The following SNTG2 variants were observed in gnomAD, a reference collection of about 807,000 sequenced individuals.
SNTG2 encodes the protein gamma-2-syntrophin.
SNTG2 carries 74 observed loss-of-function variants against 70.9 expected under a neutral mutation model. The ratio of observed to expected loss-of-function variants is 1.04; its 90% CI spans 0.86 to 1.27. The LOEUF (loss-of-function observed/expected upper bound fraction) is 1.27, where lower values mean the gene tolerates loss of function less well. SNTG2 is among the 50% of genes most tolerant of loss of function. The pLI is 0.00. For synonymous variants in SNTG2, 278 were observed against 273.8 expected (o/e 1.02, Z -0.15); for missense variants, 717 against 690.7 (o/e 1.04, Z -0.43).
intron 1 of SNTG2, among the ~76,000 whole-genome samples, chr2:1,050,208 T>C (rs562098487): frequency 4.3e-4 from 66 of 152,328 alleles, no homozygotes; most frequent in African/African-American, 1.6e-3. Flanking sequence ...AATGTAGACT[T>C]AGTTTATCAA....
intron 13 of SNTG2, among the ~76,000 whole-genome samples, chr2:1,265,166 C>A (rs567650430): frequency 1.2e-3 from 186 of 152,282 alleles, no homozygotes; most frequent in African/African-American, 4.4e-3. Context: ...TAAAGAGATA[C>A]TTTCTGCACC....
intron 16 of SNTG2, among the ~76,000 whole-genome samples, chr2:1,337,112 C>T (rs1397882682): frequency 6.6e-6 from 1 of 152,174 alleles, no homozygotes; most frequent in Non-Finnish European, 1.5e-5. Context: ...ACTTAGGCTG[C>T]TTCCATTCTT....
At position 1,316,371 on chromosome 2, in the gene SNTG2, C is replaced by T. The variant is rs4927635; in HGVS notation, c.1484C>T (p.Thr495Met). The change falls in exon 16 of 17, where the codon ACG becomes ATG. Residue 495 changes from threonine to methionine, a missense_variant. Transcript: ENST00000308624. Reference protein sequence around the residue: ...FQNLDTKQIETKELEFQDLRA... With the variant: ...FQNLDTKQIEMKELEFQDLRA... ...AATCTGGACACCAAACAGATTGAGA[C>T]GAAGGTATGCGGCATGGGGCATGGG... 0.52 allele frequency: 786,154 copies of T among 1,500,882 alleles called. 207,496 individuals carry two copies. The highest frequency in any genetic ancestry group is 0.62 in the Middle Eastern group (3,655 of 5,894). 93.0% of individuals were successfully genotyped at this position (1,500,882 alleles called of 1,614,324 possible).
chr2:1,131,666 T>C (rs1668022426), intron 4 of SNTG2, among the ~76,000 whole-genome samples: 1 of 151,982 alleles, frequency 6.6e-6, no homozygotes, highest in African/African-American at 2.4e-5. Context: ...TCTTTTTTTT[T>C]TGTGAGACAG....
At chr2:1,160,278 C>G (rs1267827806) in intron 6 of SNTG2, 1 of 151,998 alleles carries the variant, frequency 6.6e-6, no homozygotes, top group Non-Finnish European at 1.5e-5. Context: ...CATAGAATTT[C>G]CAGAAGAACA....
chr2:1,274,447 C>T (rs1364657106), intron 14 of SNTG2, among the ~76,000 whole-genome samples: 3 of 152,194 alleles, frequency 2.0e-5, no homozygotes, highest in African/African-American at 4.8e-5. Flanking sequence ...GGAACACTCT[C>T]CAAGCAACAA....
At chr2:1,162,059 G>A (rs1308722688) in intron 6 of SNTG2, among the ~76,000 whole-genome samples, 1 of 113,776 alleles carries the variant, frequency 8.8e-6, no homozygotes, top group Non-Finnish European at 1.7e-5. Context: ...GGGCGACAGT[G>A]AGACTCCGTC....
intron 1 of SNTG2, among the ~76,000 whole-genome samples, chr2:1,004,191 A>G (rs988933085): frequency 6.6e-6 from 1 of 152,214 alleles, no homozygotes; most frequent in Non-Finnish European, 1.5e-5. Context: ...CAAAAACTAA[A>G]TCATTAGTCC....
chr2:984,737 CAG>C (rs1661249053), intron 1 of SNTG2, among the ~76,000 whole-genome samples: 2 of 152,186 alleles, frequency 1.3e-5, no homozygotes, highest in South Asian at 4.1e-4. Flanking sequence ...CTAAAGAAGT[CAG>C]TGTGTTCTCA....
Position 1,197,519 on chromosome 2 carries a change from G to GTA in SNTG2, c.592-11583_592-11582insAT, listed in dbSNP as rs58615451. 8.0e-3 allele frequency among the ~76,000 whole-genome samples: 644 copies of GTA among 80,354 alleles called. 7 individuals are homozygous for GTA. The highest frequency in any genetic ancestry group is 0.015 in the East Asian group (24 of 1,584). The allele number at this position is 80,354 out of a possible 152,430, so 52.7% of individuals were successfully genotyped here. On this transcript the variant is annotated intron_variant, in intron 8 of 16. Coordinates refer to ENST00000308624, the MANE Select transcript of SNTG2 (RefSeq NM_018968.4). ...TATATATGTGTATGTATATATATGT[G>GTA]TGTGTGTGTGTGTGTGTGTGTGTGT...
intron 8 of SNTG2, among the ~76,000 whole-genome samples, chr2:1,191,859 T>C (rs1467620157): frequency 6.6e-6 from 1 of 151,960 alleles, no homozygotes; most frequent in Non-Finnish European, 1.5e-5. Context: ...ATTTTATGCT[T>C]TATAACTTTA....
chr2:1,028,969 G>A (rs909321109), intron 1 of SNTG2, among the ~76,000 whole-genome samples: 4 of 152,092 alleles, frequency 2.6e-5, no homozygotes, highest in African/African-American at 9.7e-5. Flanking sequence ...CAAAAGCCCT[G>A]CCACTGGCTC....
At chr2:1,054,936 G>GTTTGGT (rs1662293673) in intron 1 of SNTG2, among the ~76,000 whole-genome samples, 1 of 149,732 alleles carries the variant, frequency 6.7e-6, no homozygotes, top group Non-Finnish European at 1.5e-5. Flanking sequence ...GGCTTTTTTT[G>GTTTGGT]TTTTGTTTTT....
chr2:1,087,147 G>C (rs1254920060), intron 2 of SNTG2, among the ~76,000 whole-genome samples: 5 of 152,200 alleles, frequency 3.3e-5, no homozygotes, highest in African/African-American at 9.6e-5. Context: ...CAGCCCTCAG[G>C]TTTAGATGGC....
At chr2:1,230,280 C>G (rs1325096238) in intron 9 of SNTG2, among the ~76,000 whole-genome samples, 1 of 152,194 alleles carries the variant, frequency 6.6e-6, no homozygotes, top group Non-Finnish European at 1.5e-5. Context: ...CCTGGTATAT[C>G]AGACACAATT....
At chr2:1,218,293 C>T (rs1230545238) in intron 9 of SNTG2, among the ~76,000 whole-genome samples, 4 of 152,182 alleles carry the variant, frequency 2.6e-5, no homozygotes, top group Non-Finnish European at 4.4e-5. Context: ...ATTGCATTTG[C>T]AGAATCCCTT....
chr2:1,202,803 CA>C (rs1673359320), intron 8 of SNTG2, among the ~76,000 whole-genome samples: 1 of 152,006 alleles, frequency 6.6e-6, no homozygotes, highest in Admixed American at 6.6e-5. Context: ...TCAAAATAAG[CA>C]ATGTTCCCAA....
intron 1 of SNTG2, among the ~76,000 whole-genome samples, chr2:1,082,383 C>G (rs1388615996): frequency 6.6e-6 from 1 of 152,168 alleles, no homozygotes; most frequent in Non-Finnish European, 1.5e-5. Context: ...CTCCTTGAAC[C>G]CCCTGTTTGG....
At chr2:1,135,823 A>G (rs1312705611) in intron 4 of SNTG2, among the ~76,000 whole-genome samples, 1 of 152,246 alleles carries the variant, frequency 6.6e-6, no homozygotes, top group Non-Finnish European at 1.5e-5. Context: ...TGTAAAAATC[A>G]ATGCGTCTAA....
Sources: gnomAD v4.1 joint callset for allele counts (sites outside exome capture counted in the v4.1 genomes callset) on GRCh38, gnomAD v4.1.1 for gene constraint, MANE v1.5 for transcripts, NCBI Gene and HGNC (gene_info 2026-07-23, HGNC 2026-07-21) for gene names.